CACNA1I: variants seen among roughly 807,000 people sequenced by gnomAD.
CACNA1I encodes calcium voltage-gated channel subunit alpha1 I, also known as voltage-dependent T-type calcium channel subunit alpha-1I.
In CACNA1I, 74 loss-of-function variants were observed where a neutral mutation model predicts 201.6. That is an observed-to-expected ratio of 0.37 (90% CI 0.30 to 0.45). CACNA1I has a LOEUF of 0.45. Among genes scored for constraint, CACNA1I ranks in the 20% least tolerant of loss-of-function variants. CACNA1I has a pLI of 1.00. For synonymous variants in CACNA1I, 1,431 were observed against 1,345.2 expected, an observed-to-expected ratio of 1.06 and a Z score of -1.40; for missense variants, 2,346 against 3,138.1, an observed-to-expected ratio of 0.75 and a Z score of 6.03.
At chr22:39,581,922 G>A (rs1280646825) in intron 1 of CACNA1I, among the ~76,000 whole-genome samples, 2 of 152,142 alleles carry the variant, frequency 1.3e-5, no homozygotes, top group Non-Finnish European at 2.9e-5. Context: ...CCTGACACCG[G>A]TGCTTATCCT....
At chr22:39,619,228 G>A in intron 3 of CACNA1I, 82 bp from the exon 4 acceptor site, 1 of 1,034,688 alleles carries the variant, frequency 9.7e-7, no homozygotes, top group South Asian at 1.3e-5. Context: ...TAGTGCGCAG[G>A]TGGCTGGAGA....
chr22:39,600,684 C>T, intron 3 of CACNA1I, 31 bp downstream of exon 3: 1 of 1,570,468 alleles, frequency 6.4e-7, no homozygotes, highest in Non-Finnish European at 8.6e-7. Flanking sequence ...AGGTCCTAGC[C>T]TCTGGTGCAC....
intron 1 of CACNA1I, among the ~76,000 whole-genome samples, chr22:39,588,795 C>T (rs371265510): frequency 3.3e-5 from 5 of 152,178 alleles, no homozygotes; most frequent in East Asian, 1.9e-4. Context: ...TACTCCCCAA[C>T]GTTACTGCTC....
At position 39,658,301 on chromosome 22, in the gene CACNA1I, C is replaced by A. The variant is rs574308945; in HGVS notation, c.2142C>A (p.Ile714=). 1.2e-5 allele frequency: 19 copies of A among 1,613,548 alleles called. No individual in the cohort carries two copies. Among genetic ancestry groups the A allele is most frequent in the Non-Finnish European group, 1.5e-5 (18 of 1,179,666 alleles). ...TCTTCGACAGCATCATTGTCATCAT[C>A]AGGTACCCCTCCCCCAACCCACCCG... ...YNIFDSIIVI[I]SIWEIVGQAD... Residue 714 remains isoleucine (I), a splice_region_variant and synonymous_variant, in exon 11 of 37, where the codon ATC becomes ATA. Coordinates refer to ENST00000402142, the MANE Select transcript of CACNA1I (RefSeq NM_021096.4).
Position 39,685,930 on chromosome 22 carries a change from G to T in CACNA1I, c.6197G>T (p.Arg2066Leu). Residue 2066 changes from arginine to leucine, a missense_variant, in exon 37 of 37, where the codon CGC (arginine) becomes CTC (leucine). Arg to Leu is a moderately radical substitution (Grantham distance 102, BLOSUM62 -2). This residue lies in a region of CACNA1I where 441 missense variants were observed against 555.6 expected (regional missense o/e 0.79). Coordinates refer to ENST00000402142, the MANE Select transcript of CACNA1I (RefSeq NM_021096.4). The surrounding 1 kb of genome is among the most constrained non-coding windows in gnomAD (Gnocchi z 5.0). ...GGCCTGTCCCCCGCCGCTCGCCGCC[G>T]CCTGAGCCTGCGCGGCCGGGGCCTC... ...RAGLSPAARR[R>L]LSLRGRGLFS... 2.3e-6 allele frequency: 3 copies of T among 1,296,672 alleles called. No homozygotes were observed. The highest frequency in any genetic ancestry group is 6.4e-5 in the East Asian group (2 of 31,456). 80.3% of individuals were successfully genotyped at this position (1,296,672 alleles called of 1,614,324 possible). A position where few individuals can be genotyped will look rare whatever the true frequency, so the allele number is the denominator to read the frequency against.
chr22:39,619,506 T>C, intron 4 of CACNA1I, 99 bp downstream of exon 4: 2 of 780,860 alleles, frequency 2.6e-6, no homozygotes, highest in Admixed American at 4.4e-5. Flanking sequence ...CCACCCTGCT[T>C]CGTTCACTTG....
intron 3 of CACNA1I, among the ~76,000 whole-genome samples, chr22:39,614,363 C>T (rs553026521): frequency 2.0e-5 from 3 of 152,286 alleles, no homozygotes; most frequent in South Asian, 2.1e-4. Context: ...CTCAAGTAAC[C>T]GGGGAGAGCA....
At chr22:39,671,119 G>A (rs946802366) in intron 26 of CACNA1I, among the ~76,000 whole-genome samples, 165 bp downstream of exon 26, 2 of 152,134 alleles carry the variant, frequency 1.3e-5, no homozygotes, top group African/African-American at 2.4e-5. Context: ...AGGAGGTGCC[G>A]GACAAGCTTG....
chr22:39,601,147 G>GACCCT lies in CACNA1I; in HGVS notation c.482+495_482+499dup, dbSNP rs1402116489. Reference sequence around the variant, plus strand: ...AGCTGAGCCCATCTGGAGCGTCTGTGACCCTGCTCTGGGTCTTGTGCCTGC... The same window carrying GACCCT: ...AGCTGAGCCCATCTGGAGCGTCTGTGACCCTACCCTGCTCTGGGTCTTGTGCCTGC... On this transcript the variant is annotated intron_variant, in intron 3 of 36. Coordinates refer to ENST00000402142, the MANE Select transcript of CACNA1I (RefSeq NM_021096.4). 3.3e-5 allele frequency among the ~76,000 whole-genome samples: 5 copies of GACCCT among 152,254 alleles called. No homozygotes were observed. In the East Asian group the frequency reaches 9.7e-4, roughly 29 times the overall value.
chr22:39,656,436 C>T (rs1212534957), intron 10 of CACNA1I: 2 of 518,768 alleles, frequency 3.9e-6, no homozygotes, highest in Non-Finnish European at 7.7e-6. Context: ...GCCTCCTGAC[C>T]CCACTAGCAC....
intron 1 of CACNA1I, 97 bp from the exon 2 acceptor site, chr22:39,598,054 C>T (rs1932930435): frequency 1.4e-6 from 1 of 697,916 alleles, no homozygotes; most frequent in African/African-American, 1.7e-5. Flanking sequence ...GGGTGTATGC[C>T]TGTGTGTGTG....
In CACNA1I at chr22:39,685,113, GC is replaced by G. The variant is rs1935819339; in HGVS notation, c.6027+616del. On this transcript the variant is annotated intron_variant, in intron 36 of 36. Coordinates refer to ENST00000402142, the MANE Select transcript of CACNA1I (RefSeq NM_021096.4). This position sits in a 1 kb window ranked among gnomAD's most constrained non-coding sequence, Gnocchi z 5.0. Reference sequence around the variant, plus strand: ...TCTGACCCGTCACACCAGGCTGTGTGCTCTGGCGGGCAGGACACAAACTCCC... The same window carrying G: ...TCTGACCCGTCACACCAGGCTGTGTGTCTGGCGGGCAGGACACAAACTCCC... The G allele has an allele frequency of 3.6e-5, 6 of 168,048 alleles. No homozygotes were observed. The highest frequency in any genetic ancestry group is 6.4e-5 in the Non-Finnish European group (5 of 78,070). 10.4% of individuals were successfully genotyped at this position (168,048 alleles called of 1,614,324 possible).
In CACNA1I at chr22:39,640,971, A is replaced by G; in HGVS notation, c.845A>G (p.Glu282Gly). The G allele has an allele frequency of 1.2e-6, 2 of 1,614,014 alleles. No individual in the cohort carries two copies. The highest frequency in any genetic ancestry group is 1.7e-6 in the Non-Finnish European group (2 of 1,179,896). The part of the protein sequence containing the change: ...SGDNGIMGCH[E>G]IPPLKEQGRE... ...GACAATGGGATAATGGGCTGCCATG[A>G]GATCCCCCCGCTCAAGGAGCAGGGC... is the stretch of plus-strand genomic sequence containing the variant. Residue 282 changes from glutamate to glycine, a missense_variant, in exon 6 of 37, where the codon GAG becomes GGG. By Grantham distance (98) the Glu-to-Gly change is moderately conservative. This residue lies in a region of CACNA1I where 227 missense variants were observed against 412.5 expected (regional missense o/e 0.55). Coordinates refer to ENST00000402142, the MANE Select transcript of CACNA1I (RefSeq NM_021096.4).
Position 39,686,371 on chromosome 22 carries a change from A to G in CACNA1I, c.6638A>G (p.Glu2213Gly). ...CCGCAACCGCTCCCCGGAGAGCTGG[A>G]GCCGGGAGACGCCGCCAGCAAGAGG... Reference protein sequence around the residue: ...PPPQPLPGELEPGDAASKRKR With the variant: ...PPPQPLPGELGPGDAASKRKR Residue 2213 changes from glutamate (E) to glycine (G), a missense_variant, in exon 37 of 37, where the codon GAG becomes GGG. Transcript: ENST00000402142. 7.7e-7 allele frequency: 1 copy of G among 1,304,786 alleles called. No individual in the cohort carries two copies. The highest frequency in any genetic ancestry group is 9.8e-7 in the Non-Finnish European group (1 of 1,024,274). The allele number at this position is 1,304,786 out of a possible 1,614,324, so 80.8% of individuals were successfully genotyped here. A position where few individuals can be genotyped will look rare whatever the true frequency, so the allele number is the denominator to read the frequency against.
At chr22:39,668,001 T>C (rs1375240427) in intron 23 of CACNA1I, among the ~76,000 whole-genome samples, 1 of 151,988 alleles carries the variant, frequency 6.6e-6, no homozygotes, top group African/African-American at 2.4e-5. Context: ...GTTCATGAAT[T>C]TTTTTTTGCC....
At chr22:39,579,798 C>G (rs1932491281) in intron 1 of CACNA1I, among the ~76,000 whole-genome samples, 1 of 152,178 alleles carries the variant, frequency 6.6e-6, no homozygotes, top group South Asian at 2.1e-4. Flanking sequence ...AGGCGCCCAC[C>G]ACCATGCCTG....
At position 39,665,591 on chromosome 22, in the gene CACNA1I, C is replaced by T. The variant is rs1935162853; in HGVS notation, c.3945C>T (p.Ala1315=). 6 of 1,613,756 alleles carry T rather than the reference C, an allele frequency of 3.7e-6. No individual in the cohort carries two copies. Among genetic ancestry groups the T allele is most frequent in the Non-Finnish European group, 5.1e-6 (6 of 1,179,818 alleles). The change falls in exon 22 of 37, where the codon GCC becomes GCT. Residue 1315 remains alanine, a synonymous_variant. Transcript: ENST00000402142. This position sits in a 1 kb window ranked among gnomAD's most constrained non-coding sequence, Gnocchi z 5.5. ...PIGNIVLICC[A]FFIIFGILGV... ...GCAACATCGTGCTCATCTGCTGTGCCTTCTTCATCATCTTTGGCATCCTGG... is the reference window on the plus strand; with the variant it reads ...GCAACATCGTGCTCATCTGCTGTGCTTTCTTCATCATCTTTGGCATCCTGG...
chr22:39,640,170 C>A (rs892217093), intron 5 of CACNA1I, among the ~76,000 whole-genome samples: 2 of 152,086 alleles, frequency 1.3e-5, no homozygotes, highest in African/African-American at 4.8e-5. Context: ...GGGTGGATCA[C>A]CTGAGGTCAG....
At chr22:39,633,200 C>T (rs1430513271) in intron 4 of CACNA1I, among the ~76,000 whole-genome samples, 1 of 152,124 alleles carries the variant, frequency 6.6e-6, no homozygotes, top group Non-Finnish European at 1.5e-5. Flanking sequence ...CATGAGTAGT[C>T]ATTGAACAAA....
Sources: allele counts gnomAD v4.1 joint callset (sites outside exome capture counted in the v4.1 genomes callset), GRCh38; gene constraint gnomAD v4.1.1; regional missense constraint gnomAD v4.1.1; non-coding constraint Gnocchi (gnomAD v3.1); transcripts MANE v1.5; gene names NCBI Gene and HGNC (gene_info 2026-07-23, HGNC 2026-07-21).